The following CAMP variants were observed in gnomAD, a reference collection of about 807,000 sequenced individuals.
The protein encoded by CAMP is 18 kDa cationic antimicrobial protein.
CAMP carries 10 observed loss-of-function variants against 12.7 expected under a neutral mutation model. The ratio of observed to expected loss-of-function variants is 0.79; its 90% CI spans 0.49 to 1.34. The LOEUF is 1.34. CAMP is among the 40% of genes most tolerant of loss of function. CAMP has a pLI of 0.00. For missense variants in CAMP, 205 were observed against 213.0 expected (o/e 0.96, Z 0.23); for synonymous variants, 87 against 85.2 (o/e 1.02, Z -0.12).
At chr3:48,224,115 C>T (rs1448583104) in intron 1 of CAMP, among the ~76,000 whole-genome samples, 1 of 152,126 alleles carries the variant, frequency 6.6e-6, no homozygotes, top group Non-Finnish European at 1.5e-5. Flanking sequence ...CCCTTGCCCC[C>T]ACCCCAGAGT....
chr3:48,224,548 G>T, intron 2 of CAMP, 55 bp from the exon 3 acceptor site: 1 of 1,560,532 alleles, frequency 6.4e-7, no homozygotes, highest in Non-Finnish European at 8.8e-7. Context: ...CTGGGATGTG[G>T]CTGGGAGGTC....
In CAMP at chr3:48,223,807, C is replaced by A. The variant is rs568266730; in HGVS notation, c.201+95C>A. 8.4e-4 allele frequency: 780 copies of A among 928,628 alleles called. 1 individual carries two copies. The highest frequency in any genetic ancestry group is 1.8e-3 in the Middle Eastern group (6 of 3,364). The allele number at this position is 928,628 out of a possible 1,614,324, so 57.5% of individuals were successfully genotyped here. A position where few individuals can be genotyped will look rare whatever the true frequency, so the allele number is the denominator to read the frequency against. On this transcript the variant is annotated intron_variant, in intron 1 of 3. Transcript: ENST00000652295. The stretch of plus-strand genomic sequence containing the variant: ...TGCACTGCCTGCCAGGAGGGCATCT[C>A]CCCCTTTAAATGTGGTCCCGTGTTT...
At chr3:48,224,702 G>C (rs749137334) in intron 3 of CAMP, 28 bp downstream of exon 3, 2 of 1,516,112 alleles carry the variant, frequency 1.3e-6, no homozygotes, top group Non-Finnish European at 1.8e-6. Flanking sequence ...GGATGCAGGG[G>C]CTGATGGGGG....
intron 1 of CAMP, 152 bp downstream of exon 1, chr3:48,223,864 C>T (rs1044862273): frequency 6.3e-6 from 4 of 639,234 alleles, no homozygotes; most frequent in Admixed American, 5.6e-5. Flanking sequence ...CGTGTCTCCT[C>T]CCAGCTCGAG....
intron 1 of CAMP, 48 bp downstream of exon 1, chr3:48,223,760 G>C: frequency 6.9e-7 from 1 of 1,450,130 alleles, no homozygotes; most frequent in Non-Finnish European, 9.6e-7. Context: ...GCTTGGCCAC[G>C]TGTTGTTCCT....
At chr3:48,224,711 G>A in intron 3 of CAMP, 37 bp downstream of exon 3, 2 of 1,463,620 alleles carry the variant, frequency 1.4e-6, no homozygotes, top group Non-Finnish European at 1.9e-6. Context: ...GGCTGATGGG[G>A]GCATAGAGTG....
At chr3:48,225,202 C>T (rs1196696053) in intron 3 of CAMP, 91 bp from the exon 4 acceptor site, 23 of 1,368,996 alleles carry the variant, frequency 1.7e-5, no homozygotes, top group East Asian at 7.0e-5. Flanking sequence ...CGGGGGCCCA[C>T]GAAGAGGGGC....
chr3:48,223,632 C>A lies in CAMP; in HGVS notation c.121C>A (p.Arg41Ser). Residue 41 changes from arginine (R) to serine (S), a missense_variant, in exon 1 of 4, where the codon CGT becomes AGT. Physicochemically the swap from Arg to Ser is moderately radical, Grantham distance 110. Coordinates refer to ENST00000652295, the MANE Select transcript of CAMP (RefSeq NM_004345.5). Reference sequence around the variant, plus strand: ...CCTCAGCTACAAGGAAGCTGTGCTTCGTGCTATAGATGGCATCAACCAGCG... The same window carrying A: ...CCTCAGCTACAAGGAAGCTGTGCTTAGTGCTATAGATGGCATCAACCAGCG... ...QVLSYKEAVL[R>S]AIDGINQRSS... 1 of 1,614,150 alleles carries A rather than the reference C, an allele frequency of 6.2e-7. No individual in the cohort carries two copies.
In CAMP at chr3:48,225,383, A is replaced by G; in HGVS notation, c.472A>G (p.Lys158Glu). The G allele has an allele frequency of 6.2e-7, 1 of 1,613,838 alleles. No homozygotes were observed. Among genetic ancestry groups the G allele is most frequent in the Non-Finnish European group, 8.5e-7 (1 of 1,179,790 alleles). ...KEFKRIVQRI[K>E]DFLRNLVPRT... is the part of the protein sequence containing the mutation. ...GTTTAAAAGAATTGTCCAGAGAATC[A>G]AGGATTTTTTGCGGAATCTTGTACC... is the stretch of plus-strand genomic sequence containing the variant. The change falls in exon 4 of 4, where the codon AAG (lysine) becomes GAG (glutamate). Residue 158 changes from lysine to glutamate, a missense_variant. Physicochemically the swap from Lys to Glu is moderately conservative, Grantham distance 56. Transcript: ENST00000652295.
chr3:48,224,604 T>G lies in CAMP; in HGVS notation c.311T>G (p.Leu104Arg). The G allele has an allele frequency of 1.2e-6, 2 of 1,612,784 alleles. No individual in the cohort carries two copies. The highest frequency in any genetic ancestry group is 8.5e-7 in the Non-Finnish European group (1 of 1,178,880). ...PEDCDFKKDG[L>R]VKRCMGTVTL... ...TGACCTTGAGCTTCTCCTTTCCAGC[T>G]GGTGAAGCGGTGTATGGGGACAGTG... The change falls in exon 3 of 4, where the codon CTG becomes CGG. Residue 104 changes from leucine (L) to arginine (R), a missense_variant and splice_region_variant. Leu to Arg is a moderately radical substitution (Grantham distance 102, BLOSUM62 -2). Coordinates refer to ENST00000652295, the MANE Select transcript of CAMP (RefSeq NM_004345.5).
At position 48,225,348 on chromosome 3, in the gene CAMP, T is replaced by C. The variant is rs1331560117; in HGVS notation, c.437T>C (p.Ile146Thr). The part of the protein sequence containing the change: ...GDFFRKSKEK[I>T]GKEFKRIVQR... ...TTCTTCCGGAAATCTAAAGAGAAGA[T>C]TGGCAAAGAGTTTAAAAGAATTGTC... The change falls in exon 4 of 4, where the codon ATT becomes ACT. Residue 146 changes from isoleucine to threonine, a missense_variant. Coordinates refer to ENST00000652295, the MANE Select transcript of CAMP (RefSeq NM_004345.5). 1 of 1,613,438 alleles carries C rather than the reference T, an allele frequency of 6.2e-7. No homozygotes were observed. The highest frequency in any genetic ancestry group is 1.7e-5 in the Admixed American group (1 of 60,012).
intron 1 of CAMP, 150 bp from the exon 2 acceptor site, chr3:48,224,204 C>T (rs1045226975): frequency 4.7e-6 from 3 of 641,752 alleles, no homozygotes; most frequent in Non-Finnish European, 8.6e-6. Context: ...ATGGCTCAGT[C>T]CTCCTCCCCT....
chr3:48,223,782 T>C (rs1228472804), intron 1 of CAMP, 70 bp downstream of exon 1: 2 of 1,168,542 alleles, frequency 1.7e-6, no homozygotes, highest in African/African-American at 1.5e-5. Flanking sequence ...CTGCTCCTGC[T>C]GCACTGCCTG....
chr3:48,225,423 A>G lies in CAMP; in HGVS notation c.512A>G (p.Ter171TrpextTer17), dbSNP rs750236896. The G allele has an allele frequency of 1.3e-5, 21 of 1,612,336 alleles. No individual in the cohort carries two copies. The Middle Eastern group carries it at 5.0e-4, about 38-fold the overall frequency. The change falls in exon 4 of 4, where the codon TAG (stop) becomes TGG (tryptophan). Residue 171 changes from the stop codon to tryptophan (W), a stop_lost. Transcript: ENST00000652295. ...AATCTTGTACCCAGGACAGAGTCCT[A>G]GTGTGTGCCCTACCCTGGCTCAGGC... Reference protein sequence around the residue: ...LRNLVPRTES* With the variant: ...LRNLVPRTESW
In CAMP at chr3:48,223,580, G is replaced by A. The variant is rs773230544; in HGVS notation, c.69G>A (p.Val23=). ...WSLVLLLLGL[V]MPLAIIAQVL... ...TGGTGCTCCTGCTGCTGGGCCTGGT[G>A]ATGCCTCTGGCCATCATTGCCCAGG... Residue 23 remains valine, a synonymous_variant, in exon 1 of 4, where the codon GTG becomes GTA. Coordinates refer to ENST00000652295, the MANE Select transcript of CAMP (RefSeq NM_004345.5). 5.0e-5 allele frequency: 81 copies of A among 1,613,484 alleles called. No homozygotes were observed. The highest frequency in any genetic ancestry group is 6.8e-5 in the Non-Finnish European group (80 of 1,179,746).
chr3:48,224,752 C>A, intron 3 of CAMP, 78 bp downstream of exon 3: 3 of 1,109,958 alleles, frequency 2.7e-6, no homozygotes, highest in Non-Finnish European at 4.1e-6. Flanking sequence ...TTAACTACTC[C>A]CCCAACCCAG....
In CAMP at chr3:48,224,450, A is replaced by G. The variant is rs754280374; in HGVS notation, c.298A>G (p.Lys100Glu). The change falls in exon 2 of 4, where the codon AAG (lysine) becomes GAG (glutamate). Residue 100 changes from lysine to glutamate, a missense_variant. Coordinates refer to ENST00000652295, the MANE Select transcript of CAMP (RefSeq NM_004345.5). ...GCAGTCACCAGAGGATTGTGACTTC[A>G]AGAAGGACGGGGTGAGGCTGGGGGC... Reference protein sequence around the residue: ...TQQSPEDCDFKKDGLVKRCMG... With the variant: ...TQQSPEDCDFEKDGLVKRCMG... 2 of 1,611,516 alleles carry G rather than the reference A, an allele frequency of 1.2e-6. No homozygotes were observed. The highest frequency in any genetic ancestry group is 1.7e-6 in the Non-Finnish European group (2 of 1,177,664).
chr3:48,225,075 C>A (rs2033487116), intron 3 of CAMP, among the ~76,000 whole-genome samples: 1 of 152,178 alleles, frequency 6.6e-6, no homozygotes. Context: ...TGTGACCCTG[C>A]AGAGCCCCTC....
At position 48,224,172 on chromosome 3, in the gene CAMP, C is replaced by T. The variant is rs138094525; in HGVS notation, c.202-182C>T. Among the ~76,000 whole-genome samples the T allele has an allele frequency of 1.9e-3, 288 of 152,190 alleles. 2 individuals carry two copies. The highest frequency in any genetic ancestry group is 6.6e-3 in the African/African-American group (275 of 41,520). On this transcript the variant is annotated intron_variant, in intron 1 of 3. Transcript: ENST00000652295. Reference sequence around the variant, plus strand: ...CTCATCTGAGGTCTGCTCCTACTCACTGTTCACCTAGGAGGGTAGGAATGG... The same window carrying T: ...CTCATCTGAGGTCTGCTCCTACTCATTGTTCACCTAGGAGGGTAGGAATGG...
Sources: gnomAD v4.1 joint callset for allele counts (sites outside exome capture counted in the v4.1 genomes callset) on GRCh38, gnomAD v4.1.1 for gene constraint, MANE v1.5 for transcripts, NCBI Gene and HGNC (gene_info 2026-07-23, HGNC 2026-07-21) for gene names.